Variants in DHRSX observed in about 807,000 individuals in gnomAD.
The protein encoded by DHRSX is polyprenol dehydrogenase.
A neutral mutation model predicts 34.0 loss-of-function variants in DHRSX; 31 were observed. That is an observed-to-expected ratio of 0.91 (90% CI 0.69 to 1.23). DHRSX has a LOEUF of 1.23. Ranked by LOEUF, DHRSX falls within the 50% of genes most tolerant of loss-of-function variation. The probability of loss-of-function intolerance (pLI) is 0.00; values close to 1 mark genes in which losing one functional copy is unlikely to be tolerated. For missense variants in DHRSX, 414 were observed against 428.1 expected (o/e 0.97, Z 0.29); for synonymous variants, 201 against 183.8 (o/e 1.09, Z -0.76).
intron 1 of DHRSX, among the ~76,000 whole-genome samples, chrX:2,431,625 G>A (rs1327234294): frequency 4.6e-5 from 7 of 152,062 alleles, no homozygotes; most frequent in South Asian, 2.1e-4. Context: ...TGCAAGAGGA[G>A]GCCATTCTCC....
At chrX:2,410,143 T>C (rs1435473143) in intron 2 of DHRSX, among the ~76,000 whole-genome samples, 1 of 152,172 alleles carries the variant, frequency 6.6e-6, no homozygotes, top group Non-Finnish European at 1.5e-5. Flanking sequence ...GATTTTAAGG[T>C]GTTTCTGAAG....
At chrX:2,306,535 C>G (rs977892987) in intron 3 of DHRSX, among the ~76,000 whole-genome samples, 5 of 150,386 alleles carry the variant, frequency 3.3e-5, no homozygotes, top group African/African-American at 1.2e-4. Flanking sequence ...GATCTTGGCT[C>G]ACTGCAACCT....
intron 5 of DHRSX, among the ~76,000 whole-genome samples, chrX:2,249,607 T>C (rs2016388631): frequency 8.0e-6 from 1 of 125,428 alleles, no homozygotes; most frequent in Non-Finnish European, 1.6e-5. Flanking sequence ...CACTGCGACC[T>C]CCACCTCCCG....
At chrX:2,391,561 A>G (rs1339589931) in intron 3 of DHRSX, among the ~76,000 whole-genome samples, 2 of 152,158 alleles carry the variant, frequency 1.3e-5, no homozygotes, top group African/African-American at 4.8e-5. Flanking sequence ...AGAGAGGAAT[A>G]TAGAAGGCAG....
chrX:2,474,968 T>C (rs1308305303), intron 1 of DHRSX, among the ~76,000 whole-genome samples: 4 of 151,326 alleles, frequency 2.6e-5, no homozygotes, highest in Non-Finnish European at 5.9e-5. Context: ...AGATGTTCCC[T>C]AGGCATGTGG....
intron 6 of DHRSX, among the ~76,000 whole-genome samples, chrX:2,229,328 C>T (rs890854861): frequency 3.3e-5 from 5 of 152,170 alleles, no homozygotes; most frequent in African/African-American, 1.2e-4. Flanking sequence ...TGCCCAGGCT[C>T]AGCTGCCTTC....
intron 3 of DHRSX, among the ~76,000 whole-genome samples, chrX:2,303,785 A>AGGGATGGG (rs2042046267): frequency 1.8e-5 from 1 of 54,958 alleles, no homozygotes; most frequent in African/African-American, 8.5e-5. Context: ...GGATGGATGG[A>AGGGATGGG]TGGATGGGTG....
chrX:2,395,420 T>C (rs949989465), intron 3 of DHRSX, among the ~76,000 whole-genome samples: 3 of 152,026 alleles, frequency 2.0e-5, no homozygotes, highest in African/African-American at 7.2e-5. Flanking sequence ...AACCTTTCAT[T>C]TCTGTTTTGA....
At chrX:2,257,604 T>C (rs1462471364) in intron 5 of DHRSX, among the ~76,000 whole-genome samples, 1 of 152,154 alleles carries the variant, frequency 6.6e-6, no homozygotes, top group Admixed American at 6.6e-5. Context: ...AAAGATGACC[T>C]TATTTGGAGA....
chrX:2,330,107 A>G (rs2042442830), intron 3 of DHRSX, among the ~76,000 whole-genome samples: 2 of 79,584 alleles, frequency 2.5e-5, no homozygotes, highest in East Asian at 4.9e-4. Context: ...GGAGGGAGAG[A>G]GAGAGAGAGA....
chrX:2,349,718 C>T (rs1056521638), intron 3 of DHRSX, among the ~76,000 whole-genome samples: 2 of 151,318 alleles, frequency 1.3e-5, no homozygotes, highest in East Asian at 3.9e-4. Context: ...GCTGTAAATA[C>T]ACACAATGGG....
intron 3 of DHRSX, among the ~76,000 whole-genome samples, chrX:2,327,271 C>G (rs1437311449): frequency 2.0e-5 from 3 of 152,342 alleles, no homozygotes; most frequent in Non-Finnish European, 1.5e-5. Context: ...ATTGGAAACA[C>G]TCATGAGATG....
intron 5 of DHRSX, among the ~76,000 whole-genome samples, chrX:2,254,190 C>G (rs2041244630): frequency 6.6e-6 from 1 of 152,174 alleles, no homozygotes; most frequent in African/African-American, 2.4e-5. Flanking sequence ...GATCAACAGG[C>G]AGTTTTTGCA....
chrX:2,338,600 T>C (rs1023575202), intron 3 of DHRSX, among the ~76,000 whole-genome samples: 2 of 151,924 alleles, frequency 1.3e-5, no homozygotes, highest in African/African-American at 4.8e-5. Flanking sequence ...CACAGGCTGG[T>C]TGTTAAATAG....
At chrX:2,489,694 G>C (rs779463964) in intron 1 of DHRSX, 22 of 1,612,704 alleles carry the variant, frequency 1.4e-5, no homozygotes, top group Admixed American at 5.0e-5. Flanking sequence ...GCATGCAGTG[G>C]GCCACGTTCT....
chrX:2,289,484 C>T (rs1259876853), intron 4 of DHRSX, among the ~76,000 whole-genome samples: 1 of 152,124 alleles, frequency 6.6e-6, no homozygotes, highest in East Asian at 1.9e-4. Context: ...GAAGTAGTCG[C>T]ACAAAAGTCC....
At chrX:2,259,389 T>TAG (rs1280150001) in intron 5 of DHRSX, among the ~76,000 whole-genome samples, 2,040 of 59,786 alleles carry the variant, frequency 0.034, 377 homozygotes, top group African/African-American at 0.15. Flanking sequence ...TATATATAGA[T>TAG]ATATAGATAT....
At chrX:2,253,214 G>A (rs1274719396) in intron 5 of DHRSX, among the ~76,000 whole-genome samples, 3 of 152,188 alleles carry the variant, frequency 2.0e-5, no homozygotes, top group South Asian at 2.1e-4. Context: ...CCTGGGAGGC[G>A]GACATGGCCT....
At chrX:2,403,594 G>A (rs1221619271) in intron 3 of DHRSX, among the ~76,000 whole-genome samples, 22 of 152,062 alleles carry the variant, frequency 1.4e-4, no homozygotes, top group Admixed American at 1.4e-3. Context: ...AGTGGCTCAC[G>A]CCTGTAATCC....
Sources: gnomAD v4.1 joint callset for allele counts (sites outside exome capture counted in the v4.1 genomes callset) on GRCh38, gnomAD v4.1.1 for gene constraint, MANE v1.5 for transcripts, NCBI Gene and HGNC (gene_info 2026-07-23, HGNC 2026-07-21) for gene names.